RASGEF1C: variants seen among roughly 807,000 people sequenced by gnomAD.
RASGEF1C encodes RasGEF domain family member 1C, also known as ras-GEF domain-containing family member 1C.
In RASGEF1C, 27 loss-of-function variants were observed where a neutral mutation model predicts 58.1. The ratio of observed to expected loss-of-function variants is 0.46; its 90% confidence interval spans 0.34 to 0.64. The LOEUF (loss-of-function observed/expected upper bound fraction) is 0.64, where lower values mean the gene tolerates loss of function less well. Ranked by LOEUF, RASGEF1C falls within the 30% of genes least tolerant of loss-of-function variation. RASGEF1C has a pLI of 0.01. For missense variants in RASGEF1C, 502 were observed against 605.1 expected (o/e 0.83, Z 1.79); for synonymous variants, 243 against 246.3 (o/e 0.99, Z 0.13).
chr5:180,190,118 G>T (rs1375509203), intron 1 of RASGEF1C, among the ~76,000 whole-genome samples: 4 of 151,948 alleles, frequency 2.6e-5, no homozygotes, highest in African/African-American at 9.7e-5. Flanking sequence ...GGAGGCCAAG[G>T]TATTAATAGG....
At chr5:180,105,182 A>AT (rs1243007356) in intron 12 of RASGEF1C, among the ~76,000 whole-genome samples, 1 of 152,078 alleles carries the variant, frequency 6.6e-6, no homozygotes, top group Admixed American at 6.6e-5. Flanking sequence ...TCAGCATACA[A>AT]TTTTTTCCCT....
At chr5:180,203,009 A>G (rs1270891222) in intron 1 of RASGEF1C, among the ~76,000 whole-genome samples, 1 of 152,114 alleles carries the variant, frequency 6.6e-6, no homozygotes, top group Non-Finnish European at 1.5e-5. Context: ...GCCAGTACTC[A>G]CAAGTCTTTC....
intron 1 of RASGEF1C, among the ~76,000 whole-genome samples, chr5:180,165,996 G>A (rs904196172): frequency 2.6e-5 from 4 of 151,776 alleles, no homozygotes; most frequent in Non-Finnish European, 4.4e-5. Context: ...TGATCTGCCC[G>A]CCTCGGCTTC....
chr5:180,172,872 T>G (rs1447342641), intron 1 of RASGEF1C, among the ~76,000 whole-genome samples: 1 of 152,194 alleles, frequency 6.6e-6, no homozygotes, highest in African/African-American at 2.4e-5. Context: ...CCTCTCCCTG[T>G]GCTCCCGCCT....
At chr5:180,119,586 G>A (rs1561733760) in intron 7 of RASGEF1C, 138 bp from the exon 8 acceptor site, 1 of 669,804 alleles carries the variant, frequency 1.5e-6, no homozygotes, top group Non-Finnish European at 2.6e-6. Context: ...GGGTAAACAG[G>A]GTCTCAGAGT....
rs1015247581 is a variant in RASGEF1C at position 180,143,887 on chromosome 5, G to A, written c.-6-5829C>T. ...AAAAGCAGGTGGCTGGTCAGAGCGC[G>A]TCCTGGGGGCTGGAGGGATGTTCTC... On this transcript the variant is annotated intron_variant, in intron 1 of 13. Coordinates refer to ENST00000361132, the MANE Select transcript of RASGEF1C (RefSeq NM_175062.4). This position sits in a 1 kb window ranked among gnomAD's most constrained non-coding sequence, Gnocchi z 4.3. 6.6e-6 allele frequency among the ~76,000 whole-genome samples: 1 copy of A among 152,154 alleles called. No homozygotes were observed. Among genetic ancestry groups the A allele is most frequent in the South Asian group, 2.1e-4 (1 of 4,830 alleles).
rs1352476094 is a variant in RASGEF1C at position 180,156,460 on chromosome 5, A to G, written c.-6-18402T>C. ...GAACCAAGCGCTGGACCTCTGTGAT[A>G]AAGAACTGTTATCGAAAATATATAA... On this transcript the variant is annotated intron_variant, in intron 1 of 13. Coordinates refer to ENST00000361132, the MANE Select transcript of RASGEF1C (RefSeq NM_175062.4). The surrounding 1 kb of genome is among the most constrained non-coding windows in gnomAD (Gnocchi z 4.9). Among the ~76,000 whole-genome samples, 1 of 152,176 alleles carries G rather than the reference A, an allele frequency of 6.6e-6. No individual in the cohort carries two copies. The highest frequency in any genetic ancestry group is 1.5e-5 in the Non-Finnish European group (1 of 68,034).
At chr5:180,119,175 G>A (rs1032024379) in intron 8 of RASGEF1C, among the ~76,000 whole-genome samples, 171 bp downstream of exon 8, 2 of 152,224 alleles carry the variant, frequency 1.3e-5, no homozygotes, top group Non-Finnish European at 2.9e-5. Context: ...GGCTCCCCAG[G>A]ACCTCTGAGG....
At chr5:180,110,059 G>T (rs1007028403) in intron 12 of RASGEF1C, among the ~76,000 whole-genome samples, 6 of 152,336 alleles carry the variant, frequency 3.9e-5, no homozygotes, top group African/African-American at 1.4e-4. Context: ...TCACGCACTA[G>T]TGTGGATTGA....
chr5:180,156,143 TA>T lies in RASGEF1C; in HGVS notation c.-6-18086del, dbSNP rs1322887582. On this transcript the variant is annotated intron_variant, in intron 1 of 13. Transcript: ENST00000361132. The surrounding 1 kb of genome is among the most constrained non-coding windows in gnomAD (Gnocchi z 4.9). ...GACAAGACCATGCTGACTTTTGTGCTAATTGTTCCCTTACTTTTCTTTGTAG... is the reference window on the plus strand; with the variant it reads ...GACAAGACCATGCTGACTTTTGTGCTATTGTTCCCTTACTTTTCTTTGTAG... Among the ~76,000 whole-genome samples the T allele has an allele frequency of 6.6e-6, 1 of 152,200 alleles. No homozygotes were observed. The highest frequency in any genetic ancestry group is 2.4e-5 in the African/African-American group (1 of 41,444).
Position 180,177,332 on chromosome 5 carries a change from C to T in RASGEF1C, c.-7+31696G>A, listed in dbSNP as rs1245429840. 2.6e-5 allele frequency among the ~76,000 whole-genome samples: 4 copies of T among 152,374 alleles called. No individual in the cohort carries two copies. The highest frequency in any genetic ancestry group is 9.6e-5 in the African/African-American group (4 of 41,594). On this transcript the variant is annotated intron_variant, in intron 1 of 13. Coordinates refer to ENST00000361132, the MANE Select transcript of RASGEF1C (RefSeq NM_175062.4). The surrounding 1 kb of genome is among the most constrained non-coding windows in gnomAD (Gnocchi z 5.0). ...GCCTGCCCGGCTCACCCAGCAGCTT[C>T]CCCAAAGACACAGGCTGTTCATCGG...
chr5:180,151,525 A>C (rs1405450896), intron 1 of RASGEF1C, among the ~76,000 whole-genome samples: 49 of 152,066 alleles, frequency 3.2e-4, no homozygotes, highest in African/African-American at 9.6e-4. Context: ...ATGTAGAAAG[A>C]TGAAACTGGA....
At chr5:180,128,640 C>T in intron 4 of RASGEF1C, 30 bp from the exon 5 acceptor site, 1 of 1,603,928 alleles carries the variant, frequency 6.2e-7, no homozygotes, top group Non-Finnish European at 8.5e-7. Context: ...GCGCTCAGGA[C>T]TGAACACTCA....
intron 1 of RASGEF1C, among the ~76,000 whole-genome samples, chr5:180,175,822 A>G (rs1188494802): frequency 6.6e-6 from 1 of 151,996 alleles, no homozygotes; most frequent in East Asian, 1.9e-4. Flanking sequence ...CCCCGTCTCT[A>G]GTAAAAATAT....
Position 180,149,445 on chromosome 5 carries a change from T to TTTTTG in RASGEF1C, c.-6-11392_-6-11388dup, listed in dbSNP as rs756921410. 4.7e-5 allele frequency among the ~76,000 whole-genome samples: 7 copies of TTTTTG among 150,066 alleles called. No individual in the cohort carries two copies. In the South Asian group the frequency reaches 6.4e-4, roughly 14 times the overall value. On this transcript the variant is annotated intron_variant, in intron 1 of 13. Coordinates refer to ENST00000361132, the MANE Select transcript of RASGEF1C (RefSeq NM_175062.4). Reference sequence around the variant, plus strand: ...TCTTGATAATCTTACTGAGGATCAGTTTTTGTTTTGTTTTGTTTTGTTTTT... The same window carrying TTTTTG: ...TCTTGATAATCTTACTGAGGATCAGTTTTTGTTTTGTTTTGTTTTGTTTTGTTTTT...
chr5:180,199,403 G>T lies in RASGEF1C; in HGVS notation c.-7+9625C>A, dbSNP rs200372997. ...CTGGATATTAAAATAAGGCCAGAAA[G>T]GACACTAAACAACTAACAACTAAAC... On this transcript the variant is annotated intron_variant, in intron 1 of 13. Coordinates refer to ENST00000361132, the MANE Select transcript of RASGEF1C (RefSeq NM_175062.4). Among the ~76,000 whole-genome samples the T allele has an allele frequency of 2.0e-5, 3 of 152,212 alleles. No individual in the cohort carries two copies. The East Asian group carries it at 5.8e-4, about 29-fold the overall frequency.
intron 1 of RASGEF1C, among the ~76,000 whole-genome samples, chr5:180,154,019 C>G (rs1766810154): frequency 6.6e-6 from 1 of 152,144 alleles, no homozygotes; most frequent in Non-Finnish European, 1.5e-5. Context: ...ATGTCTTATT[C>G]CTTCTCCTGC....
At chr5:180,196,856 T>C (rs1561758905) in intron 1 of RASGEF1C, among the ~76,000 whole-genome samples, 2 of 152,196 alleles carry the variant, frequency 1.3e-5, no homozygotes, top group African/African-American at 4.8e-5. Flanking sequence ...TAAGGAGAAC[T>C]TGGCACACTC....
intron 6 of RASGEF1C, among the ~76,000 whole-genome samples, chr5:180,126,344 T>C (rs1766260935): frequency 6.6e-6 from 1 of 152,066 alleles, no homozygotes. Flanking sequence ...GAGGCGGAGC[T>C]TGCAGTGAGC....
Sources: allele counts gnomAD v4.1 joint callset (sites outside exome capture counted in the v4.1 genomes callset), GRCh38; gene constraint gnomAD v4.1.1; non-coding constraint Gnocchi (gnomAD v3.1); transcripts MANE v1.5; gene names NCBI Gene and HGNC (gene_info 2026-07-23, HGNC 2026-07-21).